The following GTF2IRD1 variants were observed in gnomAD, a reference collection of about 807,000 sequenced individuals.
GTF2IRD1 encodes the protein general transcription factor II-I repeat domain-containing protein 1.
A neutral mutation model predicts 113.2 loss-of-function variants in GTF2IRD1; 26 were observed. The ratio of observed to expected loss-of-function variants is 0.23; its 90% CI spans 0.17 to 0.32. The LOEUF (loss-of-function observed/expected upper bound fraction) is 0.32, where lower values mean the gene tolerates loss of function less well. Ranked by LOEUF, GTF2IRD1 falls within the 10% of genes least tolerant of loss-of-function variation. GTF2IRD1 has a pLI of 1.00. For synonymous variants in GTF2IRD1, 484 were observed against 529.1 expected (o/e 0.91, Z 1.17); for missense variants, 864 against 1,280.8 (o/e 0.67, Z 4.97).
intron 22 of GTF2IRD1, among the ~76,000 whole-genome samples, chr7:74,576,678 T>C (rs1801093796): frequency 8.6e-6 from 1 of 116,046 alleles, no homozygotes; most frequent in Non-Finnish European, 1.7e-5. Context: ...TGGAGTGCAG[T>C]GGCGCGATCT....
intron 4 of GTF2IRD1, 41 bp downstream of exon 4, chr7:74,515,637 G>C: frequency 6.4e-7 from 1 of 1,574,102 alleles, no homozygotes; most frequent in Non-Finnish European, 8.7e-7. Flanking sequence ...CCCAGGGAGG[G>C]TGGGAGCCTC....
At chr7:74,534,197 G>A (rs1211474727) in intron 9 of GTF2IRD1, among the ~76,000 whole-genome samples, 1 of 152,172 alleles carries the variant, frequency 6.6e-6, no homozygotes, top group Non-Finnish European at 1.5e-5. Context: ...TGGGAAATGG[G>A]CTTGAGTCAC....
chr7:74,505,318 T>G (rs1554340729), intron 1 of GTF2IRD1, among the ~76,000 whole-genome samples: 1 of 152,222 alleles, frequency 6.6e-6, no homozygotes, highest in Non-Finnish European at 1.5e-5. Context: ...TGCTGCATTC[T>G]TGCTCCAGGC....
At chr7:74,590,330 C>G (rs186682517) in intron 23 of GTF2IRD1, among the ~76,000 whole-genome samples, 21 of 152,114 alleles carry the variant, frequency 1.4e-4, no homozygotes, top group African/African-American at 5.1e-4. Context: ...ATCCTCCTGC[C>G]TTGGCCTCCC....
At chr7:74,569,436 C>A (rs1330317895) in intron 22 of GTF2IRD1, among the ~76,000 whole-genome samples, 1 of 152,182 alleles carries the variant, frequency 6.6e-6, no homozygotes, top group Non-Finnish European at 1.5e-5. Context: ...TGTTCTGCGG[C>A]CTGAGCCTGG....
At chr7:74,573,869 T>TG (rs1343399231) in intron 22 of GTF2IRD1, among the ~76,000 whole-genome samples, 1 of 152,196 alleles carries the variant, frequency 6.6e-6, no homozygotes, top group Non-Finnish European at 1.5e-5. Flanking sequence ...ACAGAGGCCT[T>TG]GGGGGCGCAG....
Position 74,600,626 on chromosome 7 carries a change from G to T in GTF2IRD1, c.2630-418G>T, listed in dbSNP as rs587601385. ...CTTGGGAGGCTCAGGCACTAGAATC[G>T]CTTGAACCCAGAAGGCAAAGGTTGC... On this transcript the variant is annotated intron_variant, in intron 25 of 26. Coordinates refer to ENST00000424337, the MANE Select transcript of GTF2IRD1 (RefSeq NM_005685.4). Among the ~76,000 whole-genome samples, 124 of 152,178 alleles carry T rather than the reference G, an allele frequency of 8.1e-4. 1 individual carries two copies. Among genetic ancestry groups the T allele is most frequent in the African/African-American group, 2.8e-3 (116 of 41,532 alleles).
At chr7:74,519,818 TTAGG>T in intron 6 of GTF2IRD1, 99 bp downstream of exon 6, 1 of 835,866 alleles carries the variant, frequency 1.2e-6, no homozygotes, top group Non-Finnish European at 1.9e-6. Context: ...CTGGGCCCTC[TTAGG>T]TTGGAAGGAG....
intron 25 of GTF2IRD1, among the ~76,000 whole-genome samples, chr7:74,596,271 G>C (rs1802403127): frequency 6.6e-6 from 1 of 151,986 alleles, no homozygotes; most frequent in African/African-American, 2.4e-5. Context: ...AGACCAGCCT[G>C]GTCAACATGC....
At chr7:74,495,210 C>T (rs547724089) in intron 1 of GTF2IRD1, among the ~76,000 whole-genome samples, 1 of 152,250 alleles carries the variant, frequency 6.6e-6, no homozygotes, top group East Asian at 1.9e-4. Flanking sequence ...TCCAGGTGGG[C>T]GTGTCCCCTT....
intron 20 of GTF2IRD1, 122 bp downstream of exon 20, chr7:74,557,844 T>C: frequency 1.6e-6 from 1 of 639,328 alleles, no homozygotes; most frequent in Admixed American, 2.8e-5. Context: ...CATGTATTTC[T>C]TGAGCATATA....
chr7:74,544,183 T>TG (rs1798794142), intron 14 of GTF2IRD1, among the ~76,000 whole-genome samples: 1 of 152,168 alleles, frequency 6.6e-6, no homozygotes, highest in South Asian at 2.1e-4. Flanking sequence ...CTGGAAGTTT[T>TG]TTTGTTTGTT....
chr7:74,478,229 A>G (rs1280800009), intron 1 of GTF2IRD1, among the ~76,000 whole-genome samples: 1 of 152,150 alleles, frequency 6.6e-6, no homozygotes, highest in Non-Finnish European at 1.5e-5. Flanking sequence ...ATATACTGTG[A>G]GCAACACGGG....
chr7:74,511,077 C>T (rs1471938358), intron 2 of GTF2IRD1, among the ~76,000 whole-genome samples: 1 of 151,900 alleles, frequency 6.6e-6, no homozygotes, highest in South Asian at 2.1e-4. Context: ...TTCTACTTGG[C>T]AGCAGTGGTC....
At chr7:74,536,535 C>T (rs587666269) in intron 11 of GTF2IRD1, among the ~76,000 whole-genome samples, 74 of 152,256 alleles carry the variant, frequency 4.9e-4, no homozygotes, top group Non-Finnish European at 8.4e-4. Context: ...AGGCCAGGTG[C>T]GGTGGCTCAC....
intron 1 of GTF2IRD1, among the ~76,000 whole-genome samples, chr7:74,491,000 C>T (rs370749857): frequency 6.6e-5 from 10 of 152,172 alleles, no homozygotes; most frequent in African/African-American, 1.2e-4. Flanking sequence ...ACACAGACTT[C>T]GTGCCTTAAA....
Position 74,555,562 on chromosome 7 carries a change from G to A in GTF2IRD1, c.2023+68G>A, listed in dbSNP as rs1251260659. 9.5e-5 allele frequency: 99 copies of A among 1,040,512 alleles called. No individual in the cohort carries two copies. Among genetic ancestry groups the A allele is most frequent in the Non-Finnish European group, 1.4e-4 (97 of 668,970 alleles). 64.5% of individuals were successfully genotyped at this position (1,040,512 alleles called of 1,614,324 possible). A position where few individuals can be genotyped will look rare whatever the true frequency, so the allele number is the denominator to read the frequency against. The stretch of plus-strand genomic sequence containing the variant: ...GACATTGACCTGGTTTGGGTTTGGA[G>A]GGCCAGGCTGGAAGTGGGGAGGAGC... On this transcript the variant is annotated intron_variant, in intron 19 of 26. Transcript: ENST00000424337. The surrounding 1 kb of genome is among the most constrained non-coding windows in gnomAD (Gnocchi z 5.3).
Position 74,528,943 on chromosome 7 carries a change from G to GTGGATGGA in GTF2IRD1, c.1091-753_1091-746dup, listed in dbSNP as rs782015964. 4.7e-3 allele frequency among the ~76,000 whole-genome samples: 635 copies of GTGGATGGA among 133,950 alleles called. 5 individuals carry two copies. The highest frequency in any genetic ancestry group is 0.015 in the African/African-American group (532 of 34,702). 87.9% of individuals were successfully genotyped at this position (133,950 alleles called of 152,430 possible). The stretch of plus-strand genomic sequence containing the variant: ...GATGGACGGACAACCGGGTGGATGG[G>GTGGATGGA]TGGATGGATGGATGGATGGATGGAT... On this transcript the variant is annotated intron_variant, in intron 8 of 26. Transcript: ENST00000424337.
At chr7:74,548,300 T>C (rs1799081734) in intron 17 of GTF2IRD1, among the ~76,000 whole-genome samples, 1 of 151,924 alleles carries the variant, frequency 6.6e-6, no homozygotes, top group South Asian at 2.1e-4. Context: ...TGGGTGCCTG[T>C]AGTTCCAGCT....
Sources: allele counts gnomAD v4.1 joint callset (sites outside exome capture counted in the v4.1 genomes callset), GRCh38; gene constraint gnomAD v4.1.1; non-coding constraint Gnocchi (gnomAD v3.1); transcripts MANE v1.5; gene names NCBI Gene and HGNC (gene_info 2026-07-23, HGNC 2026-07-21).